Variants in MYH13 observed in about 807,000 individuals in gnomAD.
The protein encoded by MYH13 is myosin heavy chain 13, also known as myosin-13.
In MYH13, 177 loss-of-function variants were observed where a neutral mutation model predicts 232.1. The observed-to-expected ratio is 0.76, with a 90% CI of 0.67 to 0.86. The LOEUF (loss-of-function observed/expected upper bound fraction) is 0.86. MYH13 is among the 40% of genes least tolerant of loss of function. The pLI, the probability that MYH13 is intolerant of heterozygous loss-of-function variation, is 0.00. For missense variants in MYH13, 2,246 were observed against 2,405.9 expected (o/e 0.93, Z 1.39); for synonymous variants, 884 against 923.5 (o/e 0.96, Z 0.78).
intron 18 of MYH13, among the ~76,000 whole-genome samples, chr17:10,333,903 C>T (rs962040438): frequency 1.3e-5 from 2 of 148,712 alleles, no homozygotes; most frequent in African/African-American, 5.0e-5. Context: ...AGTGAAACTG[C>T]ACCTCAAAAA....
At chr17:10,302,343 G>T (rs112430926) in intron 39 of MYH13, among the ~76,000 whole-genome samples, 177 of 152,244 alleles carry the variant, frequency 1.2e-3, no homozygotes, top group African/African-American at 3.9e-3. Context: ...CCTAAATTTT[G>T]GTCCTCAGAA....
chr17:10,340,328 C>T lies in MYH13; in HGVS notation c.1968G>A (p.Arg656=). The change falls in exon 17 of 41, where the codon AGG becomes AGA. Residue 656 remains arginine, a splice_region_variant and synonymous_variant. Transcript: ENST00000252172. ...ATATGGAAGCTGCCAAAACACCAAC[C>T]CTGAACACGGCCGACACGGTCTGGA... ...SSFQTVSAVF[R]ENLNKLMTNL... is the part of the protein sequence containing the mutation. The T allele has an allele frequency of 6.2e-7, 1 of 1,613,862 alleles. No homozygotes were observed. Among genetic ancestry groups the T allele is most frequent in the Non-Finnish European group, 8.5e-7 (1 of 1,179,838 alleles).
At chr17:10,369,543 A>G (rs577166099) in intron 2 of MYH13, among the ~76,000 whole-genome samples, 15 of 152,380 alleles carry the variant, frequency 9.8e-5, no homozygotes, top group African/African-American at 3.6e-4. Flanking sequence ...TGGTGTTAAC[A>G]TGGCTATTGC....
chr17:10,345,151 G>A (rs1344252737), intron 15 of MYH13, 51 bp downstream of exon 15: 1 of 1,613,556 alleles, frequency 6.2e-7, no homozygotes, highest in Non-Finnish European at 8.5e-7. Flanking sequence ...GAGCAAGAAG[G>A]GGAGGGCCCC....
intron 30 of MYH13, 110 bp from the exon 31 acceptor site, chr17:10,312,867 A>G: frequency 1.6e-6 from 2 of 1,260,908 alleles, no homozygotes; most frequent in Non-Finnish European, 2.1e-6. Context: ...GTGTTTGATG[A>G]GACCAAGACC....
rs1371573229 is a variant in MYH13, at chr17:10,360,082, A to T, written c.534-11T>A. The T allele has an allele frequency of 1.2e-6, 2 of 1,614,132 alleles. No homozygotes were observed. The highest frequency in any genetic ancestry group is 1.7e-5 in the Admixed American group (1 of 60,020). ...GCCCCGGATTCTCCGCTGCCAATTT[A>T]AAAGTAAACGGGATAAAGGAGAGTG... is the stretch of plus-strand genomic sequence containing the variant. On this transcript the variant is annotated splice_polypyrimidine_tract_variant and intron_variant, in intron 6 of 40. Transcript: ENST00000252172.
intron 20 of MYH13, 36 bp downstream of exon 20, chr17:10,332,063 G>A: frequency 1.9e-6 from 3 of 1,611,772 alleles, no homozygotes; most frequent in Non-Finnish European, 1.7e-6. Flanking sequence ...AGGGCTGTGG[G>A]GTTACTAGGG....
At chr17:10,344,244 A>C in intron 15 of MYH13, 135 bp from the exon 16 acceptor site, 1 of 1,318,546 alleles carries the variant, frequency 7.6e-7, no homozygotes, top group Non-Finnish European at 1.0e-6. Flanking sequence ...TGAGAGCAAG[A>C]CTCTTGGTCT....
chr17:10,324,602 G>A (rs991083695), intron 22 of MYH13, among the ~76,000 whole-genome samples: 6 of 151,498 alleles, frequency 4.0e-5, no homozygotes, highest in Non-Finnish European at 7.4e-5. Flanking sequence ...GTGCTACCAT[G>A]CCTGGCTAAT....
At chr17:10,310,075 G>C (rs1334951427) in intron 33 of MYH13, among the ~76,000 whole-genome samples, 1 of 149,830 alleles carries the variant, frequency 6.7e-6, no homozygotes, top group Non-Finnish European at 1.5e-5. Flanking sequence ...ATGGTGCCCA[G>C]AGCCCAAATA....
chr17:10,365,957 C>T (rs2071832710), intron 2 of MYH13, among the ~76,000 whole-genome samples: 1 of 150,050 alleles, frequency 6.7e-6, no homozygotes, highest in African/African-American at 2.5e-5. Flanking sequence ...AAACTATCTC[C>T]CTTTGCTGCC....
At position 10,328,073 on chromosome 17, in the gene MYH13, G is replaced by A. The variant is rs372145831; in HGVS notation, c.2484C>T (p.Val828=). The A allele has an allele frequency of 1.7e-5, 28 of 1,614,046 alleles. No individual in the cohort carries two copies. The highest frequency in any genetic ancestry group is 1.6e-4 in the Middle Eastern group (1 of 6,082). The change falls in exon 22 of 41, where the codon GTC becomes GTT. Residue 828 remains valine, a synonymous_variant. Coordinates refer to ENST00000252172, the MANE Select transcript of MYH13 (RefSeq NM_003802.3). ...ACAGGTTCATCCAGGGCCAGTGCTTGACGTTCATAAAAGAGCGGATGTTGT... is the reference window on the plus strand; with the variant it reads ...ACAGGTTCATCCAGGGCCAGTGCTTAACGTTCATAAAAGAGCGGATGTTGT... The part of the protein sequence containing the change: ...IQYNIRSFMN[V]KHWPWMNLFF...
chr17:10,328,198 C>T, intron 21 of MYH13, 77 bp from the exon 22 acceptor site: 1 of 1,515,828 alleles, frequency 6.6e-7, no homozygotes, highest in Non-Finnish European at 8.9e-7. Context: ...CCCCGACGGA[C>T]CCCATCCTCC....
chr17:10,327,751 C>CCACTGGG, intron 22 of MYH13, 115 bp downstream of exon 22: 2 of 1,341,628 alleles, frequency 1.5e-6, no homozygotes, highest in South Asian at 2.9e-5. Context: ...CTCCACATGA[C>CCACTGGG]CACTGGGTGG....
intron 19 of MYH13, 75 bp from the exon 20 acceptor site, chr17:10,332,297 T>C (rs1009095273): frequency 1.2e-5 from 19 of 1,573,378 alleles, no homozygotes; most frequent in South Asian, 3.4e-5. Context: ...CCTTCTAGAA[T>C]CTTCTCCTGC....
In MYH13 at chr17:10,355,124, A is replaced by T. The variant is rs763248621; in HGVS notation, c.762T>A (p.Phe254Leu). 15 of 1,586,628 alleles carry T rather than the reference A, an allele frequency of 9.5e-6. No homozygotes were observed. The South Asian group carries it at 1.7e-4, about 18-fold the overall frequency. ...CCGATGCCAGCTTTCCTGTGGCTCC[A>T]AAATGAATCCGAATGAACTTCCCCT... Reference protein sequence around the residue: ...SRFGKFIRIHFGATGKLASAD... With the variant: ...SRFGKFIRIHLGATGKLASAD... Residue 254 changes from phenylalanine to leucine, a missense_variant, in exon 9 of 41, where the codon TTT (phenylalanine) becomes TTA (leucine). By Grantham distance (22) the Phe-to-Leu change is conservative. Coordinates refer to ENST00000252172, the MANE Select transcript of MYH13 (RefSeq NM_003802.3).
intron 12 of MYH13, among the ~76,000 whole-genome samples, chr17:10,348,052 G>T (rs2071680662): frequency 6.6e-6 from 1 of 152,102 alleles, no homozygotes; most frequent in Non-Finnish European, 1.5e-5. Context: ...CTTCATTGCT[G>T]GGTGGGGAGA....
chr17:10,336,677 TCAGGGCCCCA>T (rs2071577829), intron 18 of MYH13, among the ~76,000 whole-genome samples: 2 of 152,164 alleles, frequency 1.3e-5, no homozygotes, highest in Non-Finnish European at 2.9e-5. Flanking sequence ...CCTGGTCACC[TCAGGGCCCCA>T]GGTACCGGCC....
At chr17:10,332,021 G>A (rs904200790) in intron 20 of MYH13, 78 bp downstream of exon 20, 150 of 1,567,914 alleles carry the variant, frequency 9.6e-5, no homozygotes, top group Non-Finnish European at 1.3e-4. Context: ...AGGAGAAGGG[G>A]ACCCTTTTTC....
Sources: allele counts gnomAD v4.1 joint callset (sites outside exome capture counted in the v4.1 genomes callset), GRCh38; gene constraint gnomAD v4.1.1; transcripts MANE v1.5; gene names NCBI Gene and HGNC (gene_info 2026-07-23, HGNC 2026-07-21).